TP73: variants seen among roughly 807,000 people sequenced by gnomAD.
TP73 encodes tumor protein p73, also known as p53-like transcription factor.
In TP73, 25 loss-of-function variants were observed where a neutral mutation model predicts 62.5. The ratio of observed to expected loss-of-function variants is 0.40; its 90% CI spans 0.29 to 0.56. The LOEUF (loss-of-function observed/expected upper bound fraction) is 0.56. Among genes scored for constraint, TP73 ranks in the 20% least tolerant of loss-of-function variants. The pLI, the probability that TP73 is intolerant of heterozygous loss-of-function variation, is 0.46. For missense variants in TP73, 754 were observed against 913.3 expected (o/e 0.83, Z 2.25); for synonymous variants, 423 against 377.5 (o/e 1.12, Z -1.40).
intron 1 of TP73, among the ~76,000 whole-genome samples, chr1:3,671,645 G>A (rs1049549437): frequency 6.6e-6 from 1 of 152,248 alleles, no homozygotes; most frequent in Non-Finnish European, 1.5e-5. Flanking sequence ...TGCGGCCCTG[G>A]GCAGGCTGCT....
At position 3,707,543 on chromosome 1, in the gene TP73, CG is replaced by C. The variant is rs765431195; in HGVS notation, c.187-5del. ...TCCCCCTCCCTCCTCCCCTTTCCCG[CG>C]CCAGGCCCAGTTCAATCTGCTGAGC... is the stretch of plus-strand genomic sequence containing the variant. On this transcript the variant is annotated splice_region_variant and splice_polypyrimidine_tract_variant and intron_variant, in intron 3 of 13. Transcript: ENST00000378295. The C allele has an allele frequency of 6.2e-7, 1 of 1,602,464 alleles. No homozygotes were observed. Among genetic ancestry groups the C allele is most frequent in the South Asian group, 1.1e-5 (1 of 90,858 alleles).
rs1161014512 is a variant in TP73, at chr1:3,696,705, T to C, written c.187-10844T>C. Among the ~76,000 whole-genome samples the C allele has an allele frequency of 2.0e-5, 3 of 152,094 alleles. No homozygotes were observed. The highest frequency in any genetic ancestry group is 4.8e-5 in the African/African-American group (2 of 41,398). On this transcript the variant is annotated intron_variant, in intron 3 of 13. Coordinates refer to ENST00000378295, the MANE Select transcript of TP73 (RefSeq NM_005427.4). The surrounding 1 kb of genome is among the most constrained non-coding windows in gnomAD (Gnocchi z 4.1). ...AACTGGGAATGGCTCATGGGATTGCTGAGCATGGCCAAGGGAGCCCTCAGC... is the reference window on the plus strand; with the variant it reads ...AACTGGGAATGGCTCATGGGATTGCCGAGCATGGCCAAGGGAGCCCTCAGC...
chr1:3,721,914 T>G, intron 4 of TP73, 107 bp from the exon 5 acceptor site: 1 of 1,193,042 alleles, frequency 8.4e-7, no homozygotes. Context: ...ATCTGGGGGT[T>G]GTGGAAGGGG....
In TP73 at chr1:3,672,428, A is replaced by T. The variant is rs368571631; in HGVS notation, c.-33-9905A>T. Among the ~76,000 whole-genome samples the T allele has an allele frequency of 8.5e-5, 13 of 152,052 alleles. No homozygotes were observed. In the East Asian group the frequency reaches 2.1e-3, roughly 25 times the overall value. On this transcript the variant is annotated intron_variant, in intron 1 of 13. Transcript: ENST00000378295. The surrounding 1 kb of genome is among the most constrained non-coding windows in gnomAD (Gnocchi z 5.3). ...GGATCGGAGGGGGCAGAGGACAGGG[A>T]TGTGTCTGTGCAGAACGAGGCTGTG...
chr1:3,735,301 G>A lies in TP73; in HGVS notation c.*2222G>A, dbSNP rs1642395977. The A allele has an allele frequency of 6.7e-6, 1 of 148,218 alleles. No homozygotes were observed. The highest frequency in any genetic ancestry group is 2.4e-5 in the African/African-American group (1 of 40,862). 9.2% of individuals were successfully genotyped at this position (148,218 alleles called of 1,614,324 possible). ...GTGCTTCAGTTCCAGAGGGCTTGTT[G>A]ATTTGTTTCTTAGGTACGTTACCTG... On this transcript the variant is annotated 3_prime_UTR_variant, in exon 14 of 14. Transcript: ENST00000378295.
chr1:3,663,483 A>T lies in TP73; in HGVS notation c.-34+10842A>T, dbSNP rs1645041265. 6.6e-6 allele frequency among the ~76,000 whole-genome samples: 1 copy of T among 152,172 alleles called. No individual in the cohort carries two copies. Among genetic ancestry groups the T allele is most frequent in the African/African-American group, 2.4e-5 (1 of 41,458 alleles). ...GTAATCCCAGCACTTTGGGAGGCTG[A>T]GTCGGGCGGATCACTAGGTCAGGAG... On this transcript the variant is annotated intron_variant, in intron 1 of 13. Coordinates refer to ENST00000378295, the MANE Select transcript of TP73 (RefSeq NM_005427.4). This position sits in a 1 kb window ranked among gnomAD's most constrained non-coding sequence, Gnocchi z 4.7.
chr1:3,652,840 G>A (rs1429364891), intron 1 of TP73, 199 bp downstream of exon 1: 2 of 152,362 alleles, frequency 1.3e-5, no homozygotes, highest in Admixed American at 6.5e-5. Context: ...AGAGGCTGGA[G>A]CGGCCAGAGT....
chr1:3,707,707 C>G lies in TP73; in HGVS notation c.345C>G (p.Ile115Met). 6.2e-7 allele frequency: 1 copy of G among 1,613,314 alleles called. No homozygotes were observed. The highest frequency in any genetic ancestry group is 8.5e-7 in the Non-Finnish European group (1 of 1,179,970). ...TFDTMSPAPV[I>M]PSNTDYPGPH... ...ACACCATGTCGCCGGCGCCTGTCAT[C>G]CCCTCCAACACCGACTACCCCGGAC... Residue 115 changes from isoleucine to methionine, a missense_variant, in exon 4 of 14, where the codon ATC (isoleucine) becomes ATG (methionine). Physicochemically the swap from Ile to Met is conservative, Grantham distance 10. This residue lies in a region of TP73 where 235 missense variants were observed against 251.4 expected (regional missense o/e 0.93). Coordinates refer to ENST00000378295, the MANE Select transcript of TP73 (RefSeq NM_005427.4).
Position 3,723,290 on chromosome 1 carries a change from CTGCACCTAGCACAGGGGTGGGCACCTCTA to C in TP73, c.617-56_617-28del. ...ACCCGGCACAGGGCTGGGCACCTCT[CTGCACCTAGCACAGGGGTGGGCACCTCTA>C]TGCACCTCTCTGAAGTGTCGACCCC... On this transcript the variant is annotated intron_variant, in intron 5 of 13. Transcript: ENST00000378295. 17 of 1,373,206 alleles carry C rather than the reference CTGCACCTAGCACAGGGGTGGGCACCTCTA, an allele frequency of 1.2e-5. 1 individual carries two copies. In the South Asian group the frequency reaches 1.9e-4, roughly 16 times the overall value. 85.1% of individuals were successfully genotyped at this position (1,373,206 alleles called of 1,614,324 possible).
At chr1:3,729,063 G>A (rs1044974331) in intron 9 of TP73, among the ~76,000 whole-genome samples, 16 of 152,372 alleles carry the variant, frequency 1.1e-4, no homozygotes, top group Middle Eastern at 6.8e-3. Flanking sequence ...CTGTTGGTAG[G>A]GGAGGAAGAG....
chr1:3,727,511 T>C, intron 7 of TP73, 117 bp from the exon 8 acceptor site: 1 of 1,417,296 alleles, frequency 7.1e-7, no homozygotes, highest in Non-Finnish European at 9.5e-7. Flanking sequence ...CTGGGTGCTC[T>C]GTGGTGACCG....
intron 3 of TP73, among the ~76,000 whole-genome samples, chr1:3,686,483 G>T (rs1645659653): frequency 6.6e-6 from 1 of 152,196 alleles, no homozygotes. Flanking sequence ...GGGATGCCAG[G>T]TGCTGGGTGC....
At chr1:3,691,210 G>T (rs983783993) in intron 3 of TP73, among the ~76,000 whole-genome samples, 1 of 152,154 alleles carries the variant, frequency 6.6e-6, no homozygotes, top group Admixed American at 6.5e-5. Context: ...GGTCCATGCC[G>T]ATGGGGCTGC....
intron 1 of TP73, among the ~76,000 whole-genome samples, chr1:3,675,345 C>A (rs1299702910): frequency 1.3e-5 from 2 of 152,076 alleles, no homozygotes; most frequent in Non-Finnish European, 2.9e-5. Flanking sequence ...CACAATGGCC[C>A]CAGGTTTCTT....
chr1:3,693,290 G>A (rs1262674484), intron 3 of TP73, among the ~76,000 whole-genome samples: 2 of 152,236 alleles, frequency 1.3e-5, no homozygotes, highest in Non-Finnish European at 2.9e-5. Flanking sequence ...TAAACCCAAA[G>A]TGAGCGAATA....
chr1:3,700,488 G>T (rs996313251), intron 3 of TP73, among the ~76,000 whole-genome samples: 2 of 151,956 alleles, frequency 1.3e-5, no homozygotes. Context: ...ACTTGAAAAA[G>T]ATTTATTTCC....
chr1:3,685,990 C>T (rs536346562), intron 3 of TP73, among the ~76,000 whole-genome samples: 8 of 152,326 alleles, frequency 5.3e-5, no homozygotes, highest in African/African-American at 1.7e-4. Context: ...CGGATGTTTC[C>T]GGGGCTACCG....
chr1:3,706,470 A>AGG (rs1408292719), intron 3 of TP73, among the ~76,000 whole-genome samples: 13 of 49,772 alleles, frequency 2.6e-4, no homozygotes, highest in Admixed American at 6.3e-4. Context: ...GCCCGGGGAG[A>AGG]GGGGTAATAG....
chr1:3,707,222 C>T (rs537167167), intron 3 of TP73, among the ~76,000 whole-genome samples: 2 of 152,180 alleles, frequency 1.3e-5, no homozygotes, highest in Non-Finnish European at 2.9e-5. Context: ...TACAGTGAAG[C>T]CCGTGTGGGC....
Sources: gnomAD v4.1 joint callset for allele counts (sites outside exome capture counted in the v4.1 genomes callset) on GRCh38, gnomAD v4.1.1 for gene constraint, gnomAD v4.1.1 regional missense constraint, Gnocchi (gnomAD v3.1) non-coding constraint, MANE v1.5 for transcripts, NCBI Gene and HGNC (gene_info 2026-07-23, HGNC 2026-07-21) for gene names.